Variants in PCDH8 observed in about 807,000 individuals in gnomAD.
PCDH8 encodes protocadherin 8, also known as protocadherin-8.
Under a neutral mutation model 58.2 loss-of-function variants are expected in PCDH8, and 36 were observed. The ratio of observed to expected loss-of-function variants is 0.62; its 90% CI spans 0.47 to 0.82. The LOEUF (loss-of-function observed/expected upper bound fraction) is 0.82. Ranked by LOEUF, PCDH8 falls within the 40% of genes least tolerant of loss-of-function variation. The pLI is 0.00. For synonymous variants in PCDH8, 775 were observed against 728.9 expected, an observed-to-expected ratio of 1.06 and a Z score of -1.02; for missense variants, 1,493 against 1,567.8, an observed-to-expected ratio of 0.95 and a Z score of 0.81.
At position 52,847,911 on chromosome 13, in the gene PCDH8, C is replaced by T. The variant is rs1191747588; in HGVS notation, c.526G>A (p.Glu176Lys). Reference protein sequence around the residue: ...ANGLQTVRLAEPHSPFRVELQ... With the variant: ...ANGLQTVRLAKPHSPFRVELQ... ...TCCACGCGAAAGGGGCTGTGCGGCT[C>T]GGCCAGGCGCACGGTCTGCAGCCCG... The change falls in exon 1 of 3, where the codon GAG becomes AAG. Residue 176 changes from glutamate to lysine, a missense_variant. Coordinates refer to ENST00000377942, the MANE Select transcript of PCDH8 (RefSeq NM_002590.4). The T allele has an allele frequency of 8.8e-6, 14 of 1,588,148 alleles. No individual in the cohort carries two copies. The highest frequency in any genetic ancestry group is 1.1e-5 in the South Asian group (1 of 88,450).
In PCDH8 at chr13:52,846,516, C is replaced by T. The variant is rs151188907; in HGVS notation, c.1921G>A (p.Ala641Thr). The change falls in exon 1 of 3, where the codon GCA (alanine) becomes ACA (threonine). Residue 641 changes from alanine (A) to threonine (T), a missense_variant. Ala to Thr is a moderately conservative substitution (Grantham distance 58, BLOSUM62 0). Around this residue, in one of 3 missense-constraint regions of PCDH8, gnomAD observed 1,307 missense variants for 1,362.7 expected, o/e 0.96. Coordinates refer to ENST00000377942, the MANE Select transcript of PCDH8 (RefSeq NM_002590.4). ...TVVARVQARD[A>T]DEGANGELAF... The stretch of plus-strand genomic sequence containing the variant: ...AGCTCCCCGTTGGCTCCCTCGTCTG[C>T]ATCCCGGGCCTGCACACGGGCCACA... 2.9e-5 allele frequency: 47 copies of T among 1,596,834 alleles called. No homozygotes were observed. The Middle Eastern group carries it at 5.0e-4, about 17-fold the overall frequency.
In PCDH8 at chr13:52,848,215, G is replaced by T. The variant is rs1965776213; in HGVS notation, c.222C>A (p.Leu74=). Residue 74 remains leucine, a synonymous_variant, in exon 1 of 3, where the codon CTC becomes CTA. Transcript: ENST00000377942. ...RLMKQFNSSL[L]RVREGDGQLT... The stretch of plus-strand genomic sequence containing the variant: ...GCTGCCCGTCGCCTTCGCGCACCCG[G>T]AGCAGAGAGCTGTTGAATTGCTTCA... 1 of 1,613,074 alleles carries T rather than the reference G, an allele frequency of 6.2e-7. No individual in the cohort carries two copies. Among genetic ancestry groups the T allele is most frequent in the African/African-American group, 1.3e-5 (1 of 74,936 alleles).
At chr13:52,845,697 G>A in intron 1 of PCDH8, 65 bp from the exon 2 acceptor site, 1 of 1,570,276 alleles carries the variant, frequency 6.4e-7, no homozygotes, top group African/African-American at 1.3e-5. Flanking sequence ...CAAAAAACAA[G>A]TGCGACAGGT....
Position 52,848,059 on chromosome 13 carries a change from C to T in PCDH8, c.378G>A (p.Arg126=), listed in dbSNP as rs1236682984. Residue 126 remains arginine, a synonymous_variant, in exon 1 of 3, where the codon AGG becomes AGA. Transcript: ENST00000377942. ...FRLVHVEVEV[R]DVNDHAPRFP... is the part of the protein sequence containing the mutation. ...AGCGCGGCGCGTGGTCGTTGACGTC[C>T]CTCACCTCTACCTCCACGTGCACCA... is the stretch of plus-strand genomic sequence containing the variant. 1.2e-6 allele frequency: 2 copies of T among 1,611,838 alleles called. No individual in the cohort carries two copies. Among genetic ancestry groups the T allele is most frequent in the Non-Finnish European group, 1.7e-6 (2 of 1,179,138 alleles).
chr13:52,846,785 T>A lies in PCDH8; in HGVS notation c.1652A>T (p.Tyr551Phe), dbSNP rs1316144538. The A allele has an allele frequency of 6.4e-7, 1 of 1,566,524 alleles. No individual in the cohort carries two copies. Among genetic ancestry groups the A allele is most frequent in the East Asian group, 2.3e-5 (1 of 42,640 alleles). Residue 551 changes from tyrosine to phenylalanine, a missense_variant, in exon 1 of 3, where the codon TAT (tyrosine) becomes TTT (phenylalanine). This residue lies in a region of PCDH8 where 1,307 missense variants were observed against 1,362.7 expected (regional missense o/e 0.96). Coordinates refer to ENST00000377942, the MANE Select transcript of PCDH8 (RefSeq NM_002590.4). ...VGRAGGAVST[Y>F]VSVDPATGAI... ...TCCGGTAGCTGGGTCCACCGAGACATAAGTGGACACGGCGCCCCCGGCGCG... is the reference window on the plus strand; with the variant it reads ...TCCGGTAGCTGGGTCCACCGAGACAAAAGTGGACACGGCGCCCCCGGCGCG...
Position 52,847,086 on chromosome 13 carries a change from T to G in PCDH8, c.1351A>C (p.Thr451Pro). Reference sequence around the variant, plus strand: ...CGTTCGCGGTCCAGCGACGCCGCGGTCACCACCAGGTAGCTGCCCGCGTAG... The same window carrying G: ...CGTTCGCGGTCCAGCGACGCCGCGGGCACCACCAGGTAGCTGCCCGCGTAG... The part of the protein sequence containing the change: ...PAYAGSYLVV[T>P]AASLDRERIA... Residue 451 changes from threonine (T) to proline (P), a missense_variant, in exon 1 of 3, where the codon ACC becomes CCC. Thr to Pro is a conservative substitution (Grantham distance 38). Around this residue, in one of 3 missense-constraint regions of PCDH8, gnomAD observed 1,307 missense variants for 1,362.7 expected, o/e 0.96. Transcript: ENST00000377942. The G allele has an allele frequency of 6.4e-7, 1 of 1,561,108 alleles. No individual in the cohort carries two copies. Among genetic ancestry groups the G allele is most frequent in the Non-Finnish European group, 8.6e-7 (1 of 1,157,662 alleles).
In PCDH8 at chr13:52,845,967, A is replaced by T; in HGVS notation, c.2470T>A (p.Phe824Ile). 1 of 1,492,302 alleles carries T rather than the reference A, an allele frequency of 6.7e-7. No individual in the cohort carries two copies. The highest frequency in any genetic ancestry group is 8.8e-7 in the Non-Finnish European group (1 of 1,134,224). 92.4% of individuals were successfully genotyped at this position (1,492,302 alleles called of 1,614,324 possible). A position where few individuals can be genotyped will look rare whatever the true frequency, so the allele number is the denominator to read the frequency against. ...AAGGGCGCTTTGCCGGTGCCAGGGA[A>T]GGTGAGCACGTCGAACATGTTGGGC... ...PRPNMFDVLT[F>I]PGTGKAPFGS... The change falls in exon 1 of 3, where the codon TTC becomes ATC. Residue 824 changes from phenylalanine to isoleucine, a missense_variant. Phe to Ile is a conservative substitution (Grantham distance 21). Around this residue, in one of 3 missense-constraint regions of PCDH8, gnomAD observed 1,307 missense variants for 1,362.7 expected, o/e 0.96. Transcript: ENST00000377942.
In PCDH8 at chr13:52,847,516, G is replaced by A. The variant is rs768155970; in HGVS notation, c.921C>T (p.Thr307=). ...GCTCGTAGTCCACGGGCCCGGCCAG[G>A]GTGAGGCGGCCTGATCGCGGGTCAA... ...FRLDPRSGRL[T]LAGPVDYERQ... The change falls in exon 1 of 3, where the codon ACC becomes ACT. Residue 307 remains threonine (T), a synonymous_variant. Coordinates refer to ENST00000377942, the MANE Select transcript of PCDH8 (RefSeq NM_002590.4). 3.2e-6 allele frequency: 5 copies of A among 1,585,288 alleles called. No homozygotes were observed. The Admixed American group carries it at 6.9e-5, about 22-fold the overall frequency.
Position 52,847,286 on chromosome 13 carries a change from G to C in PCDH8, c.1151C>G (p.Ala384Gly). 2 of 1,384,780 alleles carry C rather than the reference G, an allele frequency of 1.4e-6. No individual in the cohort carries two copies. Among genetic ancestry groups the C allele is most frequent in the Non-Finnish European group, 1.9e-6 (2 of 1,075,634 alleles). The allele number at this position is 1,384,780 out of a possible 1,614,324, so 85.8% of individuals were successfully genotyped here. The change falls in exon 1 of 3, where the codon GCT becomes GGT. Residue 384 changes from alanine to glycine, a missense_variant. Ala to Gly is a moderately conservative substitution (Grantham distance 60, BLOSUM62 0). Around this residue, in one of 3 missense-constraint regions of PCDH8, gnomAD observed 1,307 missense variants for 1,362.7 expected, o/e 0.96. Transcript: ENST00000377942. The stretch of plus-strand genomic sequence containing the variant: ...CGTCCCGGCTCCCGCCGGCGAGCTA[G>C]CGTCCGCTCCCCCGAGTGCAGCGGC... ...AAAAALGGAD[A>G]SSPAGAGTPE...
chr13:52,846,668 G>T lies in PCDH8; in HGVS notation c.1769C>A (p.Ser590Tyr). 6.2e-7 allele frequency: 1 copy of T among 1,602,178 alleles called. No homozygotes were observed. The highest frequency in any genetic ancestry group is 2.2e-5 in the East Asian group (1 of 44,656). Residue 590 changes from serine to tyrosine, a missense_variant, in exon 1 of 3, where the codon TCC (serine) becomes TAC (tyrosine). Transcript: ENST00000377942. The part of the protein sequence containing the change: ...QASDGGSPQL[S>Y]SSALVQVRVL... ...GCGCACTTGCACTAGGGCGCTGCTG[G>T]AAAGCTGAGGGGAGCCGCCGTCGCT...
chr13:52,844,987 T>C, intron 2 of PCDH8, 54 bp from the exon 3 acceptor site: 3 of 1,498,012 alleles, frequency 2.0e-6, no homozygotes. Context: ...AGATTATACA[T>C]ATTCAGGCTT....
rs767158739 is a variant in PCDH8, at chr13:52,847,165, G to T, written c.1272C>A (p.Asn424Lys). ...CATAGAGGGCGCAGCGCACTTGCCC[G>T]TTGGCGCCCGAGTCCCTGTCCGAGG... ...VSTSDRDSGA[N>K]GQVRCALYGH... Residue 424 changes from asparagine to lysine, a missense_variant, in exon 1 of 3, where the codon AAC becomes AAA. By Grantham distance (94) the Asn-to-Lys change is moderately conservative (BLOSUM62 0). Transcript: ENST00000377942. 3.3e-6 allele frequency: 5 copies of T among 1,497,248 alleles called. No individual in the cohort carries two copies. The highest frequency in any genetic ancestry group is 2.7e-5 in the East Asian group (1 of 37,694). 92.7% of individuals were successfully genotyped at this position (1,497,248 alleles called of 1,614,324 possible). A position where few individuals can be genotyped will look rare whatever the true frequency, so the allele number is the denominator to read the frequency against.
Position 52,848,098 on chromosome 13 carries a change from C to T in PCDH8, c.339G>A (p.Gln113=), listed in dbSNP as rs369224639. 1.9e-5 allele frequency: 30 copies of T among 1,612,748 alleles called. No individual in the cohort carries two copies. The highest frequency in any genetic ancestry group is 2.5e-5 in the Non-Finnish European group (29 of 1,179,816). The change falls in exon 1 of 3, where the codon CAG becomes CAA. Residue 113 remains glutamine (Q), a synonymous_variant. Transcript: ENST00000377942. ...VLAFDVVSFS[Q]EQFRLVHVEV... ...CCACGTGCACCAGCCGGAACTGCTCCTGCGAGAAGCTGACCACATCGAAGG... is the reference window on the plus strand; with the variant it reads ...CCACGTGCACCAGCCGGAACTGCTCTTGCGAGAAGCTGACCACATCGAAGG...
chr13:52,847,924 G>T lies in PCDH8; in HGVS notation c.513C>A (p.Thr171=), dbSNP rs369468266. Residue 171 remains threonine (T), a synonymous_variant, in exon 1 of 3, where the codon ACC becomes ACA. Coordinates refer to ENST00000377942, the MANE Select transcript of PCDH8 (RefSeq NM_002590.4). ...GGCTGTGCGGCTCGGCCAGGCGCAC[G>T]GTCTGCAGCCCGTTGGCGCCCACGT... ...DEDVGANGLQ[T]VRLAEPHSPF... 12 of 1,600,282 alleles carry T rather than the reference G, an allele frequency of 7.5e-6. No individual in the cohort carries two copies. The Middle Eastern group carries it at 5.0e-4, about 66-fold the overall frequency.
At chr13:52,845,778 G>T in intron 1 of PCDH8, 28 bp downstream of exon 1, 2 of 1,496,664 alleles carry the variant, frequency 1.3e-6, no homozygotes, top group Non-Finnish European at 1.8e-6. Flanking sequence ...AGCTCGGAGG[G>T]GGGCGCCCAG....
chr13:52,845,892 C>A lies in PCDH8; in HGVS notation c.2545G>T (p.Val849Leu), dbSNP rs1388770315. The A allele has an allele frequency of 2.7e-6, 4 of 1,485,226 alleles. No homozygotes were observed. Among genetic ancestry groups the A allele is most frequent in the East Asian group, 5.4e-5 (2 of 37,090 alleles). The allele number at this position is 1,485,226 out of a possible 1,614,324, so 92.0% of individuals were successfully genotyped here. ...APPPAVAAAEVPGSEGGSATG... is the reference protein window; with the variant it reads ...APPPAVAAAELPGSEGGSATG... ...GCGCTGCCGCCCTCTGAGCCCGGCA[C>A]TTCGGCCGCGGCGACCGCAGGCGGA... Residue 849 changes from valine (V) to leucine (L), a missense_variant, in exon 1 of 3, where the codon GTG (valine) becomes TTG (leucine). Around this residue, in one of 3 missense-constraint regions of PCDH8, gnomAD observed 1,307 missense variants for 1,362.7 expected, o/e 0.96. Transcript: ENST00000377942.
Position 52,846,877 on chromosome 13 carries a change from G to C in PCDH8, c.1560C>G (p.Ala520=). The change falls in exon 1 of 3, where the codon GCC becomes GCG. Residue 520 remains alanine, a synonymous_variant. Transcript: ENST00000377942. ...NPPGAYLATV[A]ARDRDLGRNG... ...TGCGGCCCAGGTCCCGGTCGCGGGC[G>C]GCCACCGTGGCCAGGTAGGCGCCTG... 3.2e-6 allele frequency: 5 copies of C among 1,554,514 alleles called. No homozygotes were observed. The highest frequency in any genetic ancestry group is 4.3e-6 in the Non-Finnish European group (5 of 1,154,142).
At position 52,847,174 on chromosome 13, in the gene PCDH8, C is replaced by A; in HGVS notation, c.1263G>T (p.Ser421=). The A allele has an allele frequency of 6.7e-7, 1 of 1,490,122 alleles. No homozygotes were observed. The highest frequency in any genetic ancestry group is 8.9e-7 in the Non-Finnish European group (1 of 1,128,448). 92.3% of individuals were successfully genotyped at this position (1,490,122 alleles called of 1,614,324 possible). Residue 421 remains serine (S), a synonymous_variant, in exon 1 of 3, where the codon TCG becomes TCT. Transcript: ENST00000377942. The stretch of plus-strand genomic sequence containing the variant: ...CGCAGCGCACTTGCCCGTTGGCGCC[C>A]GAGTCCCTGTCCGAGGTGCTGACCA... ...VALVSTSDRD[S]GANGQVRCAL... is the part of the protein sequence containing the mutation.
Position 52,848,083 on chromosome 13 carries a change from C to A in PCDH8, c.354G>T (p.Leu118=). The change falls in exon 1 of 3, where the codon CTG becomes CTT. Residue 118 remains leucine, a synonymous_variant. Transcript: ENST00000377942. ...VVSFSQEQFR[L]VHVEVEVRDV... ...CCCTCACCTCTACCTCCACGTGCAC[C>A]AGCCGGAACTGCTCCTGCGAGAAGC... The A allele has an allele frequency of 6.2e-7, 1 of 1,612,718 alleles. No homozygotes were observed. The highest frequency in any genetic ancestry group is 8.5e-7 in the Non-Finnish European group (1 of 1,179,750).
Sources: gnomAD v4.1 joint callset for allele counts on GRCh38, gnomAD v4.1.1 for gene constraint, gnomAD v4.1.1 regional missense constraint, MANE v1.5 for transcripts, NCBI Gene and HGNC (gene_info 2026-07-23, HGNC 2026-07-21) for gene names.